HNF1A: variants seen among roughly 807,000 people sequenced by gnomAD.
HNF1A encodes hepatocyte nuclear factor 1-alpha.
Under a neutral mutation model 62.2 loss-of-function variants are expected in HNF1A, and 21 were observed. That is an observed-to-expected ratio of 0.34 (90% CI 0.24 to 0.49). HNF1A has a LOEUF of 0.49. HNF1A is among the 20% of genes least tolerant of loss of function. The pLI is 0.99. For missense variants in HNF1A, 687 were observed against 832.3 expected (o/e 0.83, Z 2.15); for synonymous variants, 374 against 366.8 (o/e 1.02, Z -0.22).
At chr12:120,997,029 G>A (rs1319614278) in intron 6 of HNF1A, 1 of 1,477,648 alleles carries the variant, frequency 6.8e-7, no homozygotes, top group Non-Finnish European at 9.0e-7. Context: ...CAGGGTAAGG[G>A]GGACTGATGT....
In HNF1A at chr12:121,001,198, G is replaced by A; in HGVS notation, c.*6G>A. 6.2e-7 allele frequency: 1 copy of A among 1,613,850 alleles called. No individual in the cohort carries two copies. Among genetic ancestry groups the A allele is most frequent in the South Asian group, 1.1e-5 (1 of 91,064 alleles). On this transcript the variant is annotated 3_prime_UTR_variant, in exon 10 of 10. Transcript: ENST00000257555. ...TGGCCTCTTCCTCCCAGTAACCACG[G>A]CACCTGGGCCCTGGGGCCTGTACTG...
rs201095611 is a variant in HNF1A, at chr12:120,988,987, G to A, written c.481G>A (p.Ala161Thr). The A allele has an allele frequency of 4.9e-5, 79 of 1,614,104 alleles. No individual in the cohort carries two copies. The Middle Eastern group carries it at 8.2e-4, about 17-fold the overall frequency. Residue 161 changes from alanine to threonine, a missense_variant, in exon 2 of 10, where the codon GCC (alanine) becomes ACC (threonine). Physicochemically the swap from Ala to Thr is moderately conservative, Grantham distance 58 (BLOSUM62 0). Around this residue, in one of 5 missense-constraint regions of HNF1A, gnomAD observed 26 missense variants for 60.7 expected, o/e 0.43. Transcript: ENST00000257555. ...TCCCATGAAGACGCAGAAGCGGGCCGCCCTGTACACCTGGTACGTCCGCAA... is the reference window on the plus strand; with the variant it reads ...TCCCATGAAGACGCAGAAGCGGGCCACCCTGTACACCTGGTACGTCCGCAA... ...GTPMKTQKRA[A>T]LYTWYVRKQR...
intron 1 of HNF1A, among the ~76,000 whole-genome samples, chr12:120,981,571 C>T (rs1593048514): frequency 2.0e-5 from 3 of 152,328 alleles, no homozygotes; most frequent in African/African-American, 7.2e-5. Flanking sequence ...TGCTGTTCCT[C>T]AGTACCCCAA....
At chr12:120,982,689 C>T (rs1375036416) in intron 1 of HNF1A, among the ~76,000 whole-genome samples, 2 of 152,124 alleles carry the variant, frequency 1.3e-5, no homozygotes, top group African/African-American at 4.8e-5. Flanking sequence ...TTAGTGATCC[C>T]ATTTTACAGA....
At chr12:120,999,108 A>T (rs1877278055) in intron 7 of HNF1A, among the ~76,000 whole-genome samples, 160 bp from the exon 8 acceptor site, 1 of 152,100 alleles carries the variant, frequency 6.6e-6, no homozygotes. Context: ...CTGTCCCTTT[A>T]TCTGGAGCCT....
At chr12:120,983,550 CTT>C (rs554689596) in intron 1 of HNF1A, among the ~76,000 whole-genome samples, 10 of 143,724 alleles carry the variant, frequency 7.0e-5, no homozygotes, top group Non-Finnish European at 7.6e-5. Flanking sequence ...TTCTTTCTTT[CTT>C]TTTTTTTTTT....
Position 120,987,763 on chromosome 12 carries a change from G to T in HNF1A, c.327-1070G>T, listed in dbSNP as rs924323787. 4.8e-5 allele frequency among the ~76,000 whole-genome samples: 7 copies of T among 147,006 alleles called. No homozygotes were observed. The East Asian group carries it at 6.1e-4, about 13-fold the overall frequency. Reference sequence around the variant, plus strand: ...CTTTAGGGCAAAAAGTCACAAAGTTGATCTATCTATCTATCTATCTATCTA... The same window carrying T: ...CTTTAGGGCAAAAAGTCACAAAGTTTATCTATCTATCTATCTATCTATCTA... On this transcript the variant is annotated intron_variant, in intron 1 of 9. Transcript: ENST00000257555.
intron 2 of HNF1A, 66 bp downstream of exon 2, chr12:120,989,098 G>T (rs12427353): frequency 4.1e-6 from 6 of 1,481,098 alleles, no homozygotes; most frequent in East Asian, 2.3e-5. Flanking sequence ...ACTCATAGGT[G>T]GGGGCTGGAA....
chr12:120,983,181 G>A (rs1876337196), intron 1 of HNF1A, among the ~76,000 whole-genome samples: 1 of 152,222 alleles, frequency 6.6e-6, no homozygotes, highest in African/African-American at 2.4e-5. Context: ...GGAGAGAGAG[G>A]AGGAAGATGT....
chr12:120,987,335 C>T (rs1221735926), intron 1 of HNF1A, among the ~76,000 whole-genome samples: 5 of 151,700 alleles, frequency 3.3e-5, no homozygotes, highest in African/African-American at 7.3e-5. Context: ...ATTAGCCGGG[C>T]GTGGTGGCGG....
rs778447847 is a variant in HNF1A, at chr12:120,999,400, G to A, written c.1623+11G>A. ...ACGCCCACCAAGCAGGTAAGGTCCA[G>A]GCCTGCTGGCCCTCCCTTGGCCTGT... On this transcript the variant is annotated intron_variant, in intron 8 of 9. Transcript: ENST00000257555. The A allele has an allele frequency of 6.2e-6, 10 of 1,613,738 alleles. No individual in the cohort carries two copies. In the Middle Eastern group the frequency reaches 4.9e-4, roughly 80 times the overall value.
In HNF1A at chr12:120,978,972, G is replaced by A. The variant is rs750801469; in HGVS notation, c.204G>A (p.Arg68=). The A allele has an allele frequency of 6.2e-7, 1 of 1,608,084 alleles. No individual in the cohort carries two copies. Among genetic ancestry groups the A allele is most frequent in the East Asian group, 2.2e-5 (1 of 44,728 alleles). ...AELPNGLGET[R]GSEDETDDDG... ...TGCCCAATGGGCTGGGGGAGACTCG[G>A]GGCTCCGAGGACGAGACGGACGACG... The change falls in exon 1 of 10, where the codon CGG becomes CGA. Residue 68 remains arginine, a synonymous_variant. Transcript: ENST00000257555.
At chr12:120,997,408 G>A in intron 6 of HNF1A, 66 bp from the exon 7 acceptor site, 4 of 1,496,150 alleles carry the variant, frequency 2.7e-6, no homozygotes, top group Non-Finnish European at 3.6e-6. Context: ...GGTGCCCTTG[G>A]GAGGTCTTGG....
intron 7 of HNF1A, chr12:120,998,443 C>T (rs1218986620): frequency 6.4e-6 from 1 of 155,610 alleles, no homozygotes; most frequent in Non-Finnish European, 1.4e-5. Flanking sequence ...TAACCTCATA[C>T]CAGGTTCAGG....
At chr12:120,989,852 C>A (rs947212681) in intron 2 of HNF1A, among the ~76,000 whole-genome samples, 13 of 152,218 alleles carry the variant, frequency 8.5e-5, no homozygotes, top group African/African-American at 2.9e-4. Flanking sequence ...GACCTTTAGA[C>A]TAGGTCTTAA....
rs1174093027 is a variant in HNF1A, at chr12:120,978,725, T to C, written c.-44T>C. Reference sequence around the variant, plus strand: ...CAACCCACGCGGTGGGGGAGGCGGCTAGCGTGGTGGACCCGGGCCGCGTGG... The same window carrying C: ...CAACCCACGCGGTGGGGGAGGCGGCCAGCGTGGTGGACCCGGGCCGCGTGG... On this transcript the variant is annotated 5_prime_UTR_variant, in exon 1 of 10. Coordinates refer to ENST00000257555, the MANE Select transcript of HNF1A (RefSeq NM_000545.8). The C allele has an allele frequency of 6.3e-7, 1 of 1,583,988 alleles. No individual in the cohort carries two copies. Among genetic ancestry groups the C allele is most frequent in the Non-Finnish European group, 8.7e-7 (1 of 1,154,750 alleles).
At chr12:120,993,213 A>C (rs768288973) in intron 2 of HNF1A, among the ~76,000 whole-genome samples, 1 of 152,206 alleles carries the variant, frequency 6.6e-6, no homozygotes, top group Non-Finnish European at 1.5e-5. Context: ...AAATGTGCCA[A>C]ATCAGAACAA....
rs1168108747 is a variant in HNF1A at position 120,999,627 on chromosome 12, G to A, written c.1768G>A (p.Val590Met). ...CCACCGGCTCAGCGCCAGCCCCACA[G>A]GTGAGAGGCCCTGGCTCCACCCCCT... ...PAHRLSASPT[V>M]SSSSLVLYQS... Residue 590 changes from valine to methionine, a missense_variant and splice_region_variant, in exon 9 of 10, where the codon GTG becomes ATG. Val to Met is a conservative substitution (Grantham distance 21). Around this residue, in one of 5 missense-constraint regions of HNF1A, gnomAD observed 408 missense variants for 455.3 expected, o/e 0.90. Coordinates refer to ENST00000257555, the MANE Select transcript of HNF1A (RefSeq NM_000545.8). The A allele has an allele frequency of 4.4e-6, 7 of 1,608,896 alleles. No individual in the cohort carries two copies. Among genetic ancestry groups the A allele is most frequent in the Admixed American group, 3.3e-5 (2 of 59,956 alleles).
At position 120,978,709 on chromosome 12, in the gene HNF1A, CGGTGG is replaced by C. The variant is rs769332225; in HGVS notation, c.-57_-53del. 2.2e-5 allele frequency: 34 copies of C among 1,522,286 alleles called. No individual in the cohort carries two copies. The highest frequency in any genetic ancestry group is 6.7e-5 in the Admixed American group (4 of 59,768). The allele number at this position is 1,522,286 out of a possible 1,614,324, so 94.3% of individuals were successfully genotyped here. On this transcript the variant is annotated 5_prime_UTR_variant, in exon 1 of 10. Transcript: ENST00000257555. The stretch of plus-strand genomic sequence containing the variant: ...GGCCGGCAGGCAAACGCAACCCACG[CGGTGG>C]GGGAGGCGGCTAGCGTGGTGGACCC...
Sources: gnomAD v4.1 joint callset for allele counts (sites outside exome capture counted in the v4.1 genomes callset) on GRCh38, gnomAD v4.1.1 for gene constraint, gnomAD v4.1.1 regional missense constraint, MANE v1.5 for transcripts, NCBI Gene and HGNC (gene_info 2026-07-23, HGNC 2026-07-21) for gene names.